Variants in GIN1 observed in about 807,000 individuals in gnomAD.
GIN1 encodes the protein gypsy retrotransposon integrase-like protein 1.
A neutral mutation model predicts 51.4 loss-of-function variants in GIN1; 41 were observed. That is an observed-to-expected ratio of 0.80 (90% CI 0.62 to 1.04). The LOEUF (loss-of-function observed/expected upper bound fraction) is 1.04. GIN1 is among the 50% of genes least tolerant of loss of function. The pLI, the probability that GIN1 is intolerant of heterozygous loss-of-function variation, is 0.00. For missense variants in GIN1, 610 were observed against 612.4 expected, an observed-to-expected ratio of 1.00 and a Z score of 0.04; for synonymous variants, 222 against 206.5, an observed-to-expected ratio of 1.07 and a Z score of -0.64.
chr5:103,119,648 A>C (rs1788309913), intron 1 of GIN1, among the ~76,000 whole-genome samples: 1 of 152,204 alleles, frequency 6.6e-6, no homozygotes, highest in Non-Finnish European at 1.5e-5. Context: ...ATTTCTGATT[A>C]AATGACTGAT....
chr5:103,113,706 G>C (rs1226298218), intron 1 of GIN1, among the ~76,000 whole-genome samples: 2 of 151,966 alleles, frequency 1.3e-5, no homozygotes, highest in African/African-American at 2.4e-5. Flanking sequence ...ATTTTTAGTA[G>C]AGATGAGGTT....
At chr5:103,110,926 C>T (rs1458686295) in intron 1 of GIN1, among the ~76,000 whole-genome samples, 3 of 152,130 alleles carry the variant, frequency 2.0e-5, no homozygotes, top group South Asian at 2.1e-4. Context: ...GCTTTTCAAA[C>T]CATCTGTGGT....
chr5:103,119,891 T>G (rs1788349320), intron 1 of GIN1, among the ~76,000 whole-genome samples, 173 bp downstream of exon 1: 2 of 152,166 alleles, frequency 1.3e-5, no homozygotes, highest in South Asian at 4.1e-4. Flanking sequence ...GCGCGGGACA[T>G]CGCAACGCCC....
At position 103,104,698 on chromosome 5, in the gene GIN1, G is replaced by A; in HGVS notation, c.482C>T (p.Ala161Val). 4 of 1,612,302 alleles carry A rather than the reference G, an allele frequency of 2.5e-6. No individual in the cohort carries two copies. The highest frequency in any genetic ancestry group is 3.4e-6 in the Non-Finnish European group (4 of 1,178,446). Reference protein sequence around the residue: ...FHTSNRSHVYAIIMTDLFTKW... With the variant: ...FHTSNRSHVYVIIMTDLFTKW... ...GGTGAACAAATCTGTCATGATTATA[G>A]CATATACATGACTTCTGTTGCTTGT... The change falls in exon 4 of 8, where the codon GCT becomes GTT. Residue 161 changes from alanine to valine, a missense_variant. By Grantham distance (64) the Ala-to-Val change is moderately conservative (BLOSUM62 0). Coordinates refer to ENST00000399004, the MANE Select transcript of GIN1 (RefSeq NM_017676.2).
chr5:103,099,297 G>A (rs1787502075), intron 4 of GIN1, among the ~76,000 whole-genome samples: 2 of 151,900 alleles, frequency 1.3e-5, no homozygotes, highest in Non-Finnish European at 2.9e-5. Flanking sequence ...AGGCATTGTG[G>A]CATGTGCTCC....
Position 103,086,252 on chromosome 5 carries a change from T to C in GIN1, c.*1646A>G, listed in dbSNP as rs186500865. 1 of 152,070 alleles carries C rather than the reference T, an allele frequency of 6.6e-6. No individual in the cohort carries two copies. The highest frequency in any genetic ancestry group is 1.9e-4 in the East Asian group (1 of 5,180). 9.4% of individuals were successfully genotyped at this position (152,070 alleles called of 1,614,324 possible). The stretch of plus-strand genomic sequence containing the variant: ...TTTTCCCCTTTTATCAGAACACCAG[T>C]AATACTGTATTAGAGCCCACCCTAT... On this transcript the variant is annotated 3_prime_UTR_variant, in exon 8 of 8. Coordinates refer to ENST00000399004, the MANE Select transcript of GIN1 (RefSeq NM_017676.2).
intron 7 of GIN1, among the ~76,000 whole-genome samples, chr5:103,091,060 G>A (rs1562324352): frequency 6.6e-6 from 1 of 151,972 alleles, no homozygotes; most frequent in Admixed American, 6.6e-5. Context: ...TATGTCAAAG[G>A]CCTGTTTGTT....
chr5:103,104,107 C>G (rs1374769448), intron 4 of GIN1, among the ~76,000 whole-genome samples: 1 of 152,100 alleles, frequency 6.6e-6, no homozygotes, highest in Non-Finnish European at 1.5e-5. Flanking sequence ...GCGCCCACCA[C>G]CATGCCCAGT....
chr5:103,112,291 T>C (rs1583134010), intron 1 of GIN1, among the ~76,000 whole-genome samples: 1 of 149,276 alleles, frequency 6.7e-6, no homozygotes, highest in African/African-American at 2.4e-5. Context: ...TTTTCATTTT[T>C]ATATGGGTGA....
intron 1 of GIN1, among the ~76,000 whole-genome samples, chr5:103,116,308 A>G (rs187706227): frequency 6.6e-6 from 1 of 152,276 alleles, no homozygotes; most frequent in Admixed American, 6.5e-5. Flanking sequence ...CGAACAGAAT[A>G]GTGACAGAAA....
Position 103,096,730 on chromosome 5 carries a change from C to T in GIN1, c.1105G>A (p.Glu369Lys), listed in dbSNP as rs765869524. Reference protein sequence around the residue: ...LNPFHLKVGHEVLRQRKNWWK... With the variant: ...LNPFHLKVGHKVLRQRKNWWK... Reference sequence around the variant, plus strand: ...CAATTTTTCCTTTGTCTTAAAACTTCATGACCCACTTTTAAATGAAATGGA... The same window carrying T: ...CAATTTTTCCTTTGTCTTAAAACTTTATGACCCACTTTTAAATGAAATGGA... The change falls in exon 7 of 8, where the codon GAA becomes AAA. Residue 369 changes from glutamate (E) to lysine (K), a missense_variant. By Grantham distance (56) the Glu-to-Lys change is moderately conservative. Transcript: ENST00000399004. 6.2e-7 allele frequency: 1 copy of T among 1,613,568 alleles called. No individual in the cohort carries two copies. Among genetic ancestry groups the T allele is most frequent in the Non-Finnish European group, 8.5e-7 (1 of 1,179,492 alleles).
chr5:103,096,628 C>T lies in GIN1; in HGVS notation c.1207G>A (p.Val403Ile). ...IDYITESGCA[V>I]LRDNTGVRLK... ...CTAACCCCAGTGTTGTCTCTCAGGA[C>T]AGCACATCCACTTTCTGTAATATAG... Residue 403 changes from valine to isoleucine, a missense_variant, in exon 7 of 8, where the codon GTC (valine) becomes ATC (isoleucine). Val to Ile is a conservative substitution (Grantham distance 29). Transcript: ENST00000399004. 6.2e-7 allele frequency: 1 copy of T among 1,613,442 alleles called. No individual in the cohort carries two copies. Among genetic ancestry groups the T allele is most frequent in the Non-Finnish European group, 8.5e-7 (1 of 1,179,346 alleles).
chr5:103,099,728 A>T (rs1787516624), intron 4 of GIN1, among the ~76,000 whole-genome samples: 1 of 152,152 alleles, frequency 6.6e-6, no homozygotes, highest in South Asian at 2.1e-4. Context: ...TAAGACATTT[A>T]AAAAAATTAA....
Position 103,087,685 on chromosome 5 carries a change from A to C in GIN1, c.*213T>G. 1 of 326,542 alleles carries C rather than the reference A, an allele frequency of 3.1e-6. No homozygotes were observed. Among genetic ancestry groups the C allele is most frequent in the Non-Finnish European group, 5.5e-6 (1 of 182,796 alleles). 20.2% of individuals were successfully genotyped at this position (326,542 alleles called of 1,614,324 possible). On this transcript the variant is annotated 3_prime_UTR_variant, in exon 8 of 8. Transcript: ENST00000399004. ...GTTCTCTTTTTAGAAGAAAAAGTGAATTCTATATATTACATGCTTCCTTTG... is the reference window on the plus strand; with the variant it reads ...GTTCTCTTTTTAGAAGAAAAAGTGACTTCTATATATTACATGCTTCCTTTG...
rs560777850 is a variant in GIN1, at chr5:103,093,722, CTG to C, written c.1294+2817_1294+2818del. ...TATCACAAACAAAATAAATTCAAAACTGTGCAAAATCTATGTCAGATTATTTT... is the reference window on the plus strand; with the variant it reads ...TATCACAAACAAAATAAATTCAAAACTGCAAAATCTATGTCAGATTATTTT... On this transcript the variant is annotated intron_variant, in intron 7 of 7. Coordinates refer to ENST00000399004, the MANE Select transcript of GIN1 (RefSeq NM_017676.2). 1.2e-3 allele frequency among the ~76,000 whole-genome samples: 185 copies of C among 152,192 alleles called. 1 individual carries two copies. The highest frequency in any genetic ancestry group is 6.8e-3 in the Middle Eastern group (2 of 294).
intron 1 of GIN1, 63 bp from the exon 2 acceptor site, chr5:103,108,777 T>C (rs1583130020): frequency 9.8e-7 from 1 of 1,023,192 alleles, no homozygotes; most frequent in East Asian, 2.4e-5. Flanking sequence ...CTATTTCAGT[T>C]AAGACTTCTG....
chr5:103,097,818 T>C (rs1787451779), intron 4 of GIN1, 37 bp from the exon 5 acceptor site: 1 of 881,450 alleles, frequency 1.1e-6, no homozygotes, highest in Non-Finnish European at 1.8e-6. Context: ...CTTTTTAAAA[T>C]TTGTGTTTTA....
chr5:103,116,928 C>T (rs1788047215), intron 1 of GIN1, among the ~76,000 whole-genome samples: 1 of 151,960 alleles, frequency 6.6e-6, no homozygotes, highest in Admixed American at 6.6e-5. Flanking sequence ...TAGGTACTAC[C>T]AAGGATGCTC....
At chr5:103,109,646 C>G (rs1156788827) in intron 1 of GIN1, among the ~76,000 whole-genome samples, 1 of 152,048 alleles carries the variant, frequency 6.6e-6, no homozygotes. Flanking sequence ...CCATCATAAC[C>G]TAAAAAACAG....
Sources: gnomAD v4.1 joint callset for allele counts (sites outside exome capture counted in the v4.1 genomes callset) on GRCh38, gnomAD v4.1.1 for gene constraint, MANE v1.5 for transcripts, NCBI Gene and HGNC (gene_info 2026-07-23, HGNC 2026-07-21) for gene names.